The following CYFIP2 variants were observed in gnomAD, a reference collection of about 807,000 sequenced individuals.
The protein encoded by CYFIP2 is cytoplasmic FMR1 interacting protein 2, also known as cytoplasmic FMR1-interacting protein 2.
In CYFIP2, 29 loss-of-function variants were observed where a neutral mutation model predicts 158.7. The observed-to-expected ratio is 0.18, with a 90% CI of 0.14 to 0.25. CYFIP2 has a LOEUF of 0.25. CYFIP2 is among the 10% of genes least tolerant of loss of function. CYFIP2 has a pLI of 1.00. For missense variants in CYFIP2, 852 were observed against 1,639.5 expected (o/e 0.52, Z 8.29); for synonymous variants, 585 against 617.6 (o/e 0.95, Z 0.78).
In CYFIP2 at chr5:157,313,308, C is replaced by T. The variant is rs184472066; in HGVS notation, c.1111-1036C>T. The stretch of plus-strand genomic sequence containing the variant: ...GTGATCTCTGTTGTTGATTCATTAA[C>T]GCATGACCAACAGAACTATAACTCA... On this transcript the variant is annotated intron_variant, in intron 11 of 30. Coordinates refer to ENST00000620254, the MANE Select transcript of CYFIP2 (RefSeq NM_001037333.3). Among the ~76,000 whole-genome samples the T allele has an allele frequency of 1.2e-4, 18 of 152,286 alleles. No homozygotes were observed. In the South Asian group the frequency reaches 1.9e-3, roughly 16 times the overall value.
chr5:157,354,295 T>A (rs1463517737), intron 23 of CYFIP2, among the ~76,000 whole-genome samples: 1 of 152,192 alleles, frequency 6.6e-6, no homozygotes, highest in Non-Finnish European at 1.5e-5. Context: ...GCAGGATACA[T>A]AATTAGTTTC....
chr5:157,280,119 T>C (rs1370602068), intron 1 of CYFIP2, among the ~76,000 whole-genome samples: 1 of 152,236 alleles, frequency 6.6e-6, no homozygotes, highest in Non-Finnish European at 1.5e-5. Flanking sequence ...CACTTACTTA[T>C]TGATTCTCTT....
intron 8 of CYFIP2, 122 bp from the exon 9 acceptor site, chr5:157,307,639 G>GTGTGTGTGTGTGTGTGTGTGTGTGTA: frequency 1.7e-6 from 1 of 574,550 alleles, no homozygotes; most frequent in African/African-American, 1.9e-5. Flanking sequence ...TCTACAGGGT[G>GTGTGTGTGTGTGTGTGTGTGTGTGTA]TGTGTGTGTG....
intron 26 of CYFIP2, among the ~76,000 whole-genome samples, chr5:157,374,534 C>G (rs1650116817): frequency 2.0e-5 from 3 of 152,122 alleles, no homozygotes; most frequent in Admixed American, 2.0e-4. Context: ...CCAGCAAAAG[C>G]AGCAATGATC....
At chr5:157,331,382 A>G (rs1382420248) in intron 20 of CYFIP2, among the ~76,000 whole-genome samples, 1 of 149,116 alleles carries the variant, frequency 6.7e-6, no homozygotes. Flanking sequence ...GCAGACAGAC[A>G]GCATAAGAGA....
intron 26 of CYFIP2, chr5:157,365,514 CTGGTTTT>C (rs569722173): frequency 2.6e-5 from 4 of 151,952 alleles, no homozygotes; most frequent in Admixed American, 1.3e-4. Flanking sequence ...CATCATTTTT[CTGGTTTT>C]TGGTTTTTAT....
chr5:157,393,136 C>T lies in CYFIP2; in HGVS notation c.*136C>T. The T allele has an allele frequency of 2.1e-6, 2 of 947,608 alleles. No individual in the cohort carries two copies. The highest frequency in any genetic ancestry group is 3.1e-6 in the Non-Finnish European group (2 of 647,402). 58.7% of individuals were successfully genotyped at this position (947,608 alleles called of 1,614,324 possible). A position where few individuals can be genotyped will look rare whatever the true frequency, so the allele number is the denominator to read the frequency against. On this transcript the variant is annotated 3_prime_UTR_variant, in exon 31 of 31. Coordinates refer to ENST00000620254, the MANE Select transcript of CYFIP2 (RefSeq NM_001037333.3). Reference sequence around the variant, plus strand: ...AACAAGCACCTCCCCAAACACATCACCACTCCCTAGGGCGGGGCCTGTGCA... The same window carrying T: ...AACAAGCACCTCCCCAAACACATCATCACTCCCTAGGGCGGGGCCTGTGCA...
chr5:157,318,442 A>G (rs1375328742), intron 13 of CYFIP2, among the ~76,000 whole-genome samples: 1 of 152,148 alleles, frequency 6.6e-6, no homozygotes, highest in East Asian at 1.9e-4. Context: ...AGATTCTGTT[A>G]TGATCTAACA....
At chr5:157,343,172 G>A (rs1192324416) in intron 23 of CYFIP2, 1 of 1,614,118 alleles carries the variant, frequency 6.2e-7, no homozygotes, top group Admixed American at 1.7e-5. Context: ...TGTGAAGCAG[G>A]CCAGCAGAAT....
At chr5:157,295,159 C>T (rs1315055592) in intron 4 of CYFIP2, among the ~76,000 whole-genome samples, 4 of 152,198 alleles carry the variant, frequency 2.6e-5, no homozygotes, top group Non-Finnish European at 5.9e-5. Context: ...GAAAGATGTT[C>T]CCACTGCCTC....
Position 157,285,331 on chromosome 5 carries a change from C to A in CYFIP2, c.-23-8C>A. The A allele has an allele frequency of 4.6e-6, 7 of 1,528,884 alleles. No homozygotes were observed. Among genetic ancestry groups the A allele is most frequent in the African/African-American group, 1.4e-5 (1 of 72,740 alleles). The allele number at this position is 1,528,884 out of a possible 1,614,324, so 94.7% of individuals were successfully genotyped here. On this transcript the variant is annotated splice_polypyrimidine_tract_variant and splice_region_variant and intron_variant, in intron 1 of 30. Coordinates refer to ENST00000620254, the MANE Select transcript of CYFIP2 (RefSeq NM_001037333.3). Reference sequence around the variant, plus strand: ...ATTCTCCACTGACCTTCTCTTCCTTCCCTTCAGTGCAGAATACAGAAACTG... The same window carrying A: ...ATTCTCCACTGACCTTCTCTTCCTTACCTTCAGTGCAGAATACAGAAACTG...
chr5:157,320,073 A>G (rs1760468190), intron 14 of CYFIP2, 145 bp downstream of exon 14: 1 of 997,182 alleles, frequency 1.0e-6, no homozygotes, highest in South Asian at 1.6e-5. Context: ...GGCATTTGGG[A>G]TGAATTAAGC....
At position 157,287,078 on chromosome 5, in the gene CYFIP2, C is replaced by T. The variant is rs746333698; in HGVS notation, c.177C>T (p.Tyr59=). 6.2e-7 allele frequency: 1 copy of T among 1,613,472 alleles called. No individual in the cohort carries two copies. The highest frequency in any genetic ancestry group is 1.7e-5 in the Admixed American group (1 of 60,012). ...RNAFVTGIAR[Y]IEQATVHSSM... is the part of the protein sequence containing the mutation. ...CATTTGTCACGGGCATTGCAAGGTA[C>T]ATTGAGCAGGCTACAGTCCACTCCA... The change falls in exon 3 of 31, where the codon TAC becomes TAT. Residue 59 remains tyrosine, a synonymous_variant. Coordinates refer to ENST00000620254, the MANE Select transcript of CYFIP2 (RefSeq NM_001037333.3).
At chr5:157,287,230 A>G (rs1037902511) in intron 3 of CYFIP2, 122 bp downstream of exon 3, 9 of 712,790 alleles carry the variant, frequency 1.3e-5, no homozygotes, top group Admixed American at 6.5e-5. Context: ...CTCAGTCAGA[A>G]TCATCTGCTT....
At chr5:157,288,276 A>T (rs1458407669) in intron 3 of CYFIP2, among the ~76,000 whole-genome samples, 3 of 152,142 alleles carry the variant, frequency 2.0e-5, no homozygotes, top group African/African-American at 7.2e-5. Flanking sequence ...CCCCCATAAT[A>T]ACAGCATTAA....
chr5:157,368,702 G>GA (rs1764668317), intron 26 of CYFIP2, among the ~76,000 whole-genome samples: 1 of 151,746 alleles, frequency 6.6e-6, no homozygotes, highest in African/African-American at 2.4e-5. Context: ...CAGGACTTGG[G>GA]AAAAAATGGT....
chr5:157,359,839 C>T (rs186683238), intron 24 of CYFIP2, among the ~76,000 whole-genome samples: 2 of 152,294 alleles, frequency 1.3e-5, no homozygotes, highest in Admixed American at 1.3e-4. Flanking sequence ...CTTTGTGGAA[C>T]CATGGGTTGT....
rs915517192 is a variant in CYFIP2 at position 157,393,404 on chromosome 5, CTG to C, written c.*407_*408del. On this transcript the variant is annotated 3_prime_UTR_variant, in exon 31 of 31. Transcript: ENST00000620254. Reference sequence around the variant, plus strand: ...GTGACCCCAGGACTCAAGTCTCAGACTGTGAACAGATGTGGCCATGCCCAGAG... The same window carrying C: ...GTGACCCCAGGACTCAAGTCTCAGACTGAACAGATGTGGCCATGCCCAGAG... 8 of 161,232 alleles carry C rather than the reference CTG, an allele frequency of 5.0e-5. No homozygotes were observed. The highest frequency in any genetic ancestry group is 1.7e-4 in the African/African-American group (7 of 41,662). The allele number at this position is 161,232 out of a possible 1,614,324, so 10.0% of individuals were successfully genotyped here.
chr5:157,322,698 C>A (rs1760696279), intron 15 of CYFIP2, among the ~76,000 whole-genome samples: 1 of 152,236 alleles, frequency 6.6e-6, no homozygotes, highest in Non-Finnish European at 1.5e-5. Flanking sequence ...TGTGGCTGCT[C>A]TACCCGCATC....
Sources: gnomAD v4.1 joint callset for allele counts (sites outside exome capture counted in the v4.1 genomes callset) on GRCh38, gnomAD v4.1.1 for gene constraint, MANE v1.5 for transcripts, NCBI Gene and HGNC (gene_info 2026-07-23, HGNC 2026-07-21) for gene names.